The following COL5A1 variants were observed in gnomAD, a reference collection of about 807,000 sequenced individuals.
COL5A1 encodes the protein collagen type V alpha 1 chain, also known as collagen alpha-1(V) chain.
A neutral mutation model predicts 263.7 loss-of-function variants in COL5A1; 16 were observed. That is an observed-to-expected ratio of 0.06 (90% confidence interval 0.04 to 0.09). COL5A1 has a LOEUF of 0.09. Ranked by LOEUF, COL5A1 falls within the 10% of genes least tolerant of loss-of-function variation. The probability of loss-of-function intolerance (pLI) is 1.00; values close to 1 mark genes in which losing one functional copy is unlikely to be tolerated. For synonymous variants in COL5A1, 1,012 were observed against 1,004.5 expected (o/e 1.01, Z -0.14); for missense variants, 2,036 against 2,540.5 (o/e 0.80, Z 4.27).
At chr9:134,806,472 T>G (rs1270975998) in intron 42 of COL5A1, among the ~76,000 whole-genome samples, 176 bp downstream of exon 42, 1 of 152,106 alleles carries the variant, frequency 6.6e-6, no homozygotes, top group Non-Finnish European at 1.5e-5. Flanking sequence ...CCTGGTGACC[T>G]GCCTGAGGAG....
In COL5A1 at chr9:134,789,347, T is replaced by A; in HGVS notation, c.2700+139T>A. 2.7e-6 allele frequency: 2 copies of A among 736,802 alleles called. No homozygotes were observed. Among genetic ancestry groups the A allele is most frequent in the South Asian group, 3.1e-5 (2 of 63,584 alleles). 45.6% of individuals were successfully genotyped at this position (736,802 alleles called of 1,614,324 possible). On this transcript the variant is annotated intron_variant, in intron 32 of 65. Transcript: ENST00000371817. This position sits in a 1 kb window ranked among gnomAD's most constrained non-coding sequence, Gnocchi z 4.8. ...CTCTCCTGAATGGCTGGCCTTAAGC[T>A]CTTGAACTTCAGCACCACGTGTTGG...
intron 1 of COL5A1, among the ~76,000 whole-genome samples, chr9:134,684,141 G>A (rs1039497720): frequency 1.3e-5 from 2 of 152,230 alleles, no homozygotes; most frequent in Non-Finnish European, 2.9e-5. Context: ...CCTGAGAGAT[G>A]CTCTCCAGCA....
intron 4 of COL5A1, among the ~76,000 whole-genome samples, chr9:134,718,225 C>T (rs1414506669): frequency 2.0e-5 from 3 of 152,238 alleles, no homozygotes; most frequent in African/African-American, 7.2e-5. Flanking sequence ...CATGCTCCCG[C>T]CGTGGCCGCC....
At chr9:134,728,844 C>A (rs752404584) in intron 6 of COL5A1, 37 bp downstream of exon 6, 10 of 1,613,354 alleles carry the variant, frequency 6.2e-6, no homozygotes, top group Admixed American at 5.0e-5. Flanking sequence ...GGGCTGGGCC[C>A]CTCGAGGCCA....
intron 4 of COL5A1, among the ~76,000 whole-genome samples, chr9:134,722,485 G>C (rs1834499798): frequency 6.6e-6 from 1 of 152,218 alleles, no homozygotes; most frequent in South Asian, 2.1e-4. Context: ...CTGGGGTACG[G>C]GGTTGTGCCG....
intron 34 of COL5A1, among the ~76,000 whole-genome samples, chr9:134,795,639 G>A (rs535986198): frequency 6.6e-6 from 1 of 152,318 alleles, no homozygotes; most frequent in South Asian, 2.1e-4. Context: ...TGGTCGGGAG[G>A]CCCCATTTCC....
At chr9:134,694,226 G>C (rs1283193231) in intron 2 of COL5A1, among the ~76,000 whole-genome samples, 1 of 152,266 alleles carries the variant, frequency 6.6e-6, no homozygotes, top group Non-Finnish European at 1.5e-5. Flanking sequence ...AAGTGGCCCT[G>C]GATCACGGGG....
intron 26 of COL5A1, 109 bp downstream of exon 26, chr9:134,772,943 G>T (rs10125874): frequency 1.7e-6 from 2 of 1,167,968 alleles, no homozygotes; most frequent in Non-Finnish European, 2.6e-6. Context: ...GGAAGGAGCC[G>T]GGGACACTCA....
At chr9:134,669,324 T>TTC (rs1832468415) in intron 1 of COL5A1, among the ~76,000 whole-genome samples, 1 of 111,552 alleles carries the variant, frequency 9.0e-6, no homozygotes, top group Non-Finnish European at 1.8e-5. Flanking sequence ...TCCCTTCTCC[T>TTC]TCCTTCCTTC....
At chr9:134,748,050 C>T (rs1337007864) in intron 11 of COL5A1, among the ~76,000 whole-genome samples, 1 of 151,836 alleles carries the variant, frequency 6.6e-6, no homozygotes, top group African/African-American at 2.4e-5. Flanking sequence ...CACATGCACA[C>T]ATGCATTCAC....
At chr9:134,840,163 G>A (rs186031920) in intron 65 of COL5A1, among the ~76,000 whole-genome samples, 4 of 152,356 alleles carry the variant, frequency 2.6e-5, no homozygotes, top group Non-Finnish European at 4.4e-5. Flanking sequence ...GCCTCTCTGG[G>A]CAGGGGTCAG....
At chr9:134,745,790 T>C (rs1835489616) in intron 11 of COL5A1, among the ~76,000 whole-genome samples, 1 of 152,180 alleles carries the variant, frequency 6.6e-6, no homozygotes, top group Non-Finnish European at 1.5e-5. Flanking sequence ...GCCAGAAATC[T>C]GAAATCAAGG....
intron 32 of COL5A1, among the ~76,000 whole-genome samples, chr9:134,793,498 G>A (rs553844721): frequency 4.6e-5 from 7 of 152,312 alleles, no homozygotes; most frequent in South Asian, 4.1e-4. Context: ...CCCAGATGGC[G>A]TTGCGGTCGA....
intron 32 of COL5A1, 50 bp from the exon 33 acceptor site, chr9:134,795,032 C>G (rs774522542): frequency 1.3e-6 from 2 of 1,593,948 alleles, no homozygotes; most frequent in East Asian, 2.2e-5. Context: ...GCCACCTGAG[C>G]AGGGCCGGGC....
intron 1 of COL5A1, among the ~76,000 whole-genome samples, chr9:134,661,600 C>T (rs575963368): frequency 4.3e-4 from 65 of 151,980 alleles, no homozygotes; most frequent in South Asian, 8.3e-4. Context: ...CTCTCTTAGA[C>T]GCCAGTGTCC....
rs116775837 is a variant in COL5A1 at position 134,684,384 on chromosome 9, G to A, written c.110-6528G>A. ...GGGTGCTGTGATGCTGCCCTGCCAT[G>A]TCTTCAGCCACCTGGCTGCCAGCAT... On this transcript the variant is annotated intron_variant, in intron 1 of 65. Transcript: ENST00000371817. 5.0e-3 allele frequency among the ~76,000 whole-genome samples: 768 copies of A among 152,362 alleles called. 5 individuals carry two copies. Among genetic ancestry groups the A allele is most frequent in the African/African-American group, 0.017 (723 of 41,582 alleles).
At position 134,642,048 on chromosome 9, in the gene COL5A1, CG is replaced by C. The variant is rs1831305463; in HGVS notation, c.-134del. On this transcript the variant is annotated 5_prime_UTR_variant, in exon 1 of 66. Transcript: ENST00000371817. The surrounding 1 kb of genome is among the most constrained non-coding windows in gnomAD (Gnocchi z 4.5). ...GAACAGCCGCCGCCACAAAGAAGAA[CG>C]GGGGGTGCCGAGGTCCCCATGACCT... 5 of 701,824 alleles carry C rather than the reference CG, an allele frequency of 7.1e-6. No homozygotes were observed. The highest frequency in any genetic ancestry group is 7.9e-6 in the Non-Finnish European group (4 of 504,546). The allele number at this position is 701,824 out of a possible 1,614,324, so 43.5% of individuals were successfully genotyped here.
Position 134,761,993 on chromosome 9 carries a change from G to C in COL5A1, c.1989+15G>C. On this transcript the variant is annotated intron_variant, in intron 19 of 65. Transcript: ENST00000371817. ...ATGGAGAAAGGGTAGGTATTCTGCC[G>C]TCCCTCCGACTGCTCCTGCCTGCCC... The C allele has an allele frequency of 6.2e-7, 1 of 1,612,950 alleles. No homozygotes were observed. Among genetic ancestry groups the C allele is most frequent in the Non-Finnish European group, 8.5e-7 (1 of 1,179,558 alleles).
chr9:134,735,610 G>T (rs1333700501), intron 9 of COL5A1, among the ~76,000 whole-genome samples: 1 of 152,152 alleles, frequency 6.6e-6, no homozygotes, highest in Non-Finnish European at 1.5e-5. Context: ...TCCCTGCAAG[G>T]TCCCCGCCCG....
Sources: allele counts gnomAD v4.1 joint callset (sites outside exome capture counted in the v4.1 genomes callset), GRCh38; gene constraint gnomAD v4.1.1; non-coding constraint Gnocchi (gnomAD v3.1); transcripts MANE v1.5; gene names NCBI Gene and HGNC (gene_info 2026-07-23, HGNC 2026-07-21).